Variants in MYO7B observed in about 807,000 individuals in gnomAD.
MYO7B encodes unconventional myosin-VIIb.
A neutral mutation model predicts 259.7 loss-of-function variants in MYO7B; 212 were observed. That is an observed-to-expected ratio of 0.82 (90% CI 0.73 to 0.91). The LOEUF (loss-of-function observed/expected upper bound fraction) is 0.91. Ranked by LOEUF, MYO7B falls within the 40% of genes least tolerant of loss-of-function variation. The probability of loss-of-function intolerance (pLI) is 0.00; values close to 1 mark genes in which losing one functional copy is unlikely to be tolerated. For missense variants in MYO7B, 2,732 were observed against 2,813.5 expected, an observed-to-expected ratio of 0.97 and a Z score of 0.66; for synonymous variants, 1,197 against 1,166.4, an observed-to-expected ratio of 1.03 and a Z score of -0.54.
intron 1 of MYO7B, among the ~76,000 whole-genome samples, chr2:127,553,293 A>C (rs1693522239): frequency 6.6e-6 from 1 of 152,132 alleles, no homozygotes; most frequent in South Asian, 2.1e-4. Flanking sequence ...TAGTTCTGAG[A>C]AGAATGATGG....
chr2:127,552,942 C>A (rs765492099), intron 1 of MYO7B, among the ~76,000 whole-genome samples: 23 of 152,188 alleles, frequency 1.5e-4, no homozygotes, highest in Non-Finnish European at 2.6e-4. Context: ...AGAAAATTCT[C>A]CTTCTTTGCT....
At chr2:127,543,152 G>A (rs1411879566) in intron 1 of MYO7B, among the ~76,000 whole-genome samples, 1 of 152,136 alleles carries the variant, frequency 6.6e-6, no homozygotes, top group African/African-American at 2.4e-5. Context: ...GGATGATCAG[G>A]TCTTTCCCTT....
chr2:127,634,306 C>A lies in MYO7B; in HGVS notation c.5625+17C>A. 1 of 1,540,484 alleles carries A rather than the reference C, an allele frequency of 6.5e-7. No homozygotes were observed. The highest frequency in any genetic ancestry group is 8.8e-7 in the Non-Finnish European group (1 of 1,141,210). The stretch of plus-strand genomic sequence containing the variant: ...TCAGACAAGGTGGGCCGGGCTGGGG[C>A]TGGGCAGACGGTGGGCGGACGGGCA... On this transcript the variant is annotated intron_variant, in intron 41 of 47. Transcript: ENST00000409816.
At chr2:127,605,324 C>T (rs1383513465) in intron 19 of MYO7B, among the ~76,000 whole-genome samples, 1 of 152,208 alleles carries the variant, frequency 6.6e-6, no homozygotes, top group Admixed American at 6.5e-5. Context: ...TGGCTGGACA[C>T]AGTGGCTCAC....
chr2:127,584,214 C>G lies in MYO7B; in HGVS notation c.1436C>G (p.Ser479Trp). 6.2e-7 allele frequency: 1 copy of G among 1,613,960 alleles called. No individual in the cohort carries two copies. Among genetic ancestry groups the G allele is most frequent in the Non-Finnish European group, 8.5e-7 (1 of 1,179,870 alleles). ...ACCATGGAGCAAGAGGAGTACCGCT[C>G]GGAGAACATCTCCTGGGACTATATC... is the stretch of plus-strand genomic sequence containing the variant. ...VFTMEQEEYR[S>W]ENISWDYIHY... Residue 479 changes from serine (S) to tryptophan (W), a missense_variant, in exon 13 of 48, where the codon TCG becomes TGG. Ser to Trp is a radical substitution (Grantham distance 177). This residue lies in a region of MYO7B where 1,906 missense variants were observed against 2,026.4 expected (regional missense o/e 0.94). Coordinates refer to ENST00000409816, the MANE Select transcript of MYO7B (RefSeq NM_001393586.1). The surrounding 1 kb of genome is among the most constrained non-coding windows in gnomAD (Gnocchi z 5.8).
chr2:127,584,472 G>T lies in MYO7B; in HGVS notation c.1554+140G>T. 1.0e-6 allele frequency: 1 copy of T among 965,702 alleles called. No homozygotes were observed. The highest frequency in any genetic ancestry group is 1.5e-6 in the Non-Finnish European group (1 of 658,320). 59.8% of individuals were successfully genotyped at this position (965,702 alleles called of 1,614,324 possible). On this transcript the variant is annotated intron_variant, in intron 13 of 47. Coordinates refer to ENST00000409816, the MANE Select transcript of MYO7B (RefSeq NM_001393586.1). The surrounding 1 kb of genome is among the most constrained non-coding windows in gnomAD (Gnocchi z 5.8). ...GCCAGGAATAAGCAGAAGAGCCTCA[G>T]TCTAACCAGACAGACCCTCCTCTCC...
chr2:127,599,301 GA>G (rs1451212175), intron 19 of MYO7B, among the ~76,000 whole-genome samples: 6 of 151,926 alleles, frequency 3.9e-5, no homozygotes, highest in Non-Finnish European at 8.8e-5. Flanking sequence ...GTTTTTTTTG[GA>G]ATTATAAATG....
At chr2:127,634,076 G>C in intron 40 of MYO7B, 100 bp from the exon 41 acceptor site, 1 of 959,604 alleles carries the variant, frequency 1.0e-6, no homozygotes, top group Non-Finnish European at 1.6e-6. Context: ...TCCAACCCAA[G>C]TTTCATGAAG....
At chr2:127,598,424 C>G (rs1403849590) in intron 19 of MYO7B, among the ~76,000 whole-genome samples, 6 of 152,216 alleles carry the variant, frequency 3.9e-5, no homozygotes, top group East Asian at 1.9e-4. Context: ...ATGTTGCTTG[C>G]CTGTTTTCTA....
intron 27 of MYO7B, 56 bp downstream of exon 27, chr2:127,620,522 G>C: frequency 7.0e-7 from 1 of 1,432,788 alleles, no homozygotes; most frequent in South Asian, 1.5e-5. Flanking sequence ...TGGGAGCGTA[G>C]GTGGCCCCTG....
Position 127,596,571 on chromosome 2 carries a change from C to T in MYO7B, c.2339+15C>T. 6.3e-7 allele frequency: 1 copy of T among 1,595,014 alleles called. No individual in the cohort carries two copies. Among genetic ancestry groups the T allele is most frequent in the Non-Finnish European group, 8.6e-7 (1 of 1,169,426 alleles). On this transcript the variant is annotated intron_variant, in intron 19 of 47. Coordinates refer to ENST00000409816, the MANE Select transcript of MYO7B (RefSeq NM_001393586.1). The stretch of plus-strand genomic sequence containing the variant: ...TACAGATACAGGTGCCGGCCCCACC[C>T]CAAGGCCCACCCAGCCTACTCCTGC...
chr2:127,588,345 C>T (rs758675737), intron 14 of MYO7B, 47 bp from the exon 15 acceptor site: 1 of 1,598,712 alleles, frequency 6.3e-7, no homozygotes. Flanking sequence ...CATGGGTGGG[C>T]AGTGATGGCT....
At chr2:127,563,806 A>T (rs1011905909) in intron 2 of MYO7B, among the ~76,000 whole-genome samples, 6 of 152,194 alleles carry the variant, frequency 3.9e-5, no homozygotes, top group African/African-American at 1.4e-4. Context: ...ATCAAGCTTG[A>T]GAAGCACTTT....
In MYO7B at chr2:127,612,549, A is replaced by G. The variant is rs1680426558; in HGVS notation, c.3344A>G (p.Asn1115Ser). 1.3e-6 allele frequency: 2 copies of G among 1,599,914 alleles called. No homozygotes were observed. Among genetic ancestry groups the G allele is most frequent in the African/African-American group, 1.3e-5 (1 of 74,532 alleles). ...DGLGADRPMS[N>S]LEKVHFIVGY... ...CTTGGTGCAGACCGGCCCATGTCCA[A>G]CCTGGAGAAGGTGCACTTCATCGTG... Residue 1115 changes from asparagine (N) to serine (S), a missense_variant, in exon 26 of 48, where the codon AAC becomes AGC. Transcript: ENST00000409816.
chr2:127,593,787 A>T (rs1679662070), intron 18 of MYO7B, 143 bp downstream of exon 18: 1 of 730,190 alleles, frequency 1.4e-6, no homozygotes, highest in African/African-American at 1.8e-5. Context: ...CCCCACCCTC[A>T]GGGCACCCCT....
rs2104845575 is a variant in MYO7B at position 127,559,753 on chromosome 2, T to G, written c.18+13T>G. 5 of 1,613,950 alleles carry G rather than the reference T, an allele frequency of 3.1e-6. No homozygotes were observed. The East Asian group carries it at 1.1e-4, about 36-fold the overall frequency. On this transcript the variant is annotated intron_variant, in intron 2 of 47. Transcript: ENST00000409816. This position sits in a 1 kb window ranked among gnomAD's most constrained non-coding sequence, Gnocchi z 4.1. ...GGGGTTCAGGCTGGTAAGAATTGTA[T>G]GATTTGATCTAGGGGTTATTGGTGT...
intron 29 of MYO7B, 94 bp downstream of exon 29, chr2:127,623,469 C>T (rs893422446): frequency 6.1e-6 from 8 of 1,309,886 alleles, no homozygotes; most frequent in African/African-American, 6.0e-5. Flanking sequence ...CCAGCCCGGC[C>T]ACCACCTACC....
At chr2:127,556,138 T>C (rs1248763511) in intron 1 of MYO7B, among the ~76,000 whole-genome samples, 1 of 152,252 alleles carries the variant, frequency 6.6e-6, no homozygotes, top group East Asian at 1.9e-4. Context: ...AGGCCTTTTA[T>C]GATTATATAA....
At chr2:127,596,074 A>G (rs59486761) in intron 18 of MYO7B, among the ~76,000 whole-genome samples, 9,405 of 152,244 alleles carry the variant, frequency 0.062, 442 homozygotes, top group South Asian at 0.2. Flanking sequence ...GTCTCCCACT[A>G]TTATTGAGGG....
Sources: allele counts gnomAD v4.1 joint callset (sites outside exome capture counted in the v4.1 genomes callset), GRCh38; gene constraint gnomAD v4.1.1; regional missense constraint gnomAD v4.1.1; non-coding constraint Gnocchi (gnomAD v3.1); transcripts MANE v1.5; gene names NCBI Gene and HGNC (gene_info 2026-07-23, HGNC 2026-07-21).